LOC400499: variants seen among roughly 807,000 people sequenced by gnomAD.
the LOC400499 span, among the ~76,000 whole-genome samples, chr16:11,415,295 G>A: frequency 3.3e-5 from 5 of 152,188 alleles, no homozygotes; most frequent in Admixed American, 6.5e-5. Flanking sequence ...GCAAACAGAT[G>A]GCGCCGATTC....
the LOC400499 span, chr16:11,393,313 C>T: frequency 2.4e-4 from 281 of 1,157,196 alleles, 1 homozygote; most frequent in African/African-American, 3.7e-3. Flanking sequence ...GAAATCTTAA[C>T]GCCCAGACCC....
chr16:11,496,154 C>A, the LOC400499 span, among the ~76,000 whole-genome samples: 2 of 151,878 alleles, frequency 1.3e-5, no homozygotes, highest in Non-Finnish European at 2.9e-5. Context: ...GCAACCTCTG[C>A]CTCCTGAGAT....
the LOC400499 span, among the ~76,000 whole-genome samples, chr16:11,432,444 T>C: frequency 6.6e-6 from 1 of 152,158 alleles, no homozygotes; most frequent in African/African-American, 2.4e-5. Context: ...TGAACCCTAA[T>C]ATACAGATGA....
the LOC400499 span, among the ~76,000 whole-genome samples, chr16:11,382,095 C>A: frequency 2.4e-3 from 371 of 152,250 alleles, no homozygotes; most frequent in African/African-American, 8.4e-3. Context: ...CGCCACCACA[C>A]CCGGCTAATT....
At chr16:11,460,602 T>G in the LOC400499 span, 1 of 1,533,338 alleles carries the variant, frequency 6.5e-7, no homozygotes, top group Non-Finnish European at 8.7e-7. Flanking sequence ...GCCGCCTGCT[T>G]TGCCTGACCT....
chr16:11,414,082 G>A, the LOC400499 span, among the ~76,000 whole-genome samples: 1 of 152,198 alleles, frequency 6.6e-6, no homozygotes, highest in African/African-American at 2.4e-5. Flanking sequence ...CAAGATTGCA[G>A]GGCAGAAGGA....
chr16:11,448,228 A>G, the LOC400499 span, among the ~76,000 whole-genome samples: 1 of 152,164 alleles, frequency 6.6e-6, no homozygotes, highest in Non-Finnish European at 1.5e-5. Flanking sequence ...CACAGCCTCC[A>G]CCCTGATCAG....
At chr16:11,380,089 T>G in the LOC400499 span, among the ~76,000 whole-genome samples, 1 of 152,164 alleles carries the variant, frequency 6.6e-6, no homozygotes, top group East Asian at 1.9e-4. Context: ...AGACTACAAG[T>G]GCATGCCACC....
At chr16:11,449,118 G>A in the LOC400499 span, 1 of 1,442,360 alleles carries the variant, frequency 6.9e-7, no homozygotes, top group South Asian at 1.3e-5. Flanking sequence ...CTGCAATGAG[G>A]TGAGGAGGGG....
chr16:11,405,810 A>G, the LOC400499 span, among the ~76,000 whole-genome samples: 1 of 152,158 alleles, frequency 6.6e-6, no homozygotes, highest in Non-Finnish European at 1.5e-5. Context: ...TTATTTGATC[A>G]TGGCTTCAAA....
the LOC400499 span, among the ~76,000 whole-genome samples, chr16:11,497,099 T>G: frequency 6.6e-6 from 1 of 152,168 alleles, no homozygotes; most frequent in Admixed American, 6.5e-5. Context: ...TCCCTGTGCC[T>G]TGGTGTGAGC....
the LOC400499 span, among the ~76,000 whole-genome samples, chr16:11,378,978 A>G: frequency 6.6e-6 from 1 of 152,136 alleles, no homozygotes; most frequent in Non-Finnish European, 1.5e-5. Context: ...AAAGTGAGGT[A>G]TTGGGCCGGG....
At chr16:11,449,035 C>A in the LOC400499 span, 2 of 1,514,042 alleles carry the variant, frequency 1.3e-6, no homozygotes, top group Non-Finnish European at 8.9e-7. Flanking sequence ...CCCTGCACTG[C>A]TGCGTTCCAG....
chr16:11,392,758 C>T, the LOC400499 span: 1 of 983,736 alleles, frequency 1.0e-6, no homozygotes, highest in Non-Finnish European at 1.2e-6. Flanking sequence ...TTTGAGACAC[C>T]AAGGCAGGAG....
At chr16:11,409,275 TAAATAAAA>T in the LOC400499 span, among the ~76,000 whole-genome samples, 7 of 150,964 alleles carry the variant, frequency 4.6e-5, no homozygotes, top group Admixed American at 6.6e-5. Context: ...AAAGAAAAAA[TAAATAAAA>T]AAATAAAAAA....
chr16:11,463,571 T>G, the LOC400499 span, among the ~76,000 whole-genome samples: 1 of 152,212 alleles, frequency 6.6e-6, no homozygotes, highest in Admixed American at 6.5e-5. Context: ...AACGTATGTA[T>G]ACGGATGTGT....
chr16:11,488,982 G>A, the LOC400499 span: 9 of 396,020 alleles, frequency 2.3e-5, no homozygotes, highest in South Asian at 1.4e-4. Flanking sequence ...TCCCACGCAC[G>A]GGGGCTTCTC....
the LOC400499 span, among the ~76,000 whole-genome samples, chr16:11,405,745 C>G: frequency 6.6e-6 from 1 of 152,220 alleles, no homozygotes; most frequent in Non-Finnish European, 1.5e-5. Context: ...CTGCTCACTT[C>G]TGCCACCTGT....
the LOC400499 span, chr16:11,475,706 C>A: frequency 2.5e-6 from 1 of 399,030 alleles, no homozygotes; most frequent in Non-Finnish European, 4.4e-6. Flanking sequence ...TGATGAGGTA[C>A]AGCTGAGAGC....
Sources: allele counts gnomAD v4.1 joint callset (sites outside exome capture counted in the v4.1 genomes callset), GRCh38; gene constraint gnomAD v4.1.1; transcripts MANE v1.5.